The following REXO4 variants were observed in gnomAD, a reference collection of about 807,000 sequenced individuals.
The protein encoded by REXO4 is RNA exonuclease 4, also known as REX4 homolog, 3'-5' exonuclease.
A neutral mutation model predicts 39.9 loss-of-function variants in REXO4; 29 were observed. That is an observed-to-expected ratio of 0.73 (90% CI 0.54 to 0.99). The LOEUF (loss-of-function observed/expected upper bound fraction) is 0.99, where lower values mean the gene tolerates loss of function less well. REXO4 is among the 50% of genes least tolerant of loss of function. The probability of loss-of-function intolerance (pLI) is 0.00; values close to 1 mark genes in which losing one functional copy is unlikely to be tolerated. For synonymous variants in REXO4, 184 were observed against 206.2 expected (o/e 0.89, Z 0.92); for missense variants, 524 against 546.5 (o/e 0.96, Z 0.41).
rs1838927771 is a variant in REXO4 at position 133,407,145 on chromosome 9, G to A, written c.1150-73C>T. On this transcript the variant is annotated intron_variant, in intron 7 of 7. Coordinates refer to ENST00000371942, the MANE Select transcript of REXO4 (RefSeq NM_020385.4). ...CCACAGTCAACCCCACAATGACTGA[G>A]CCCTCCCACTAGCCACTCTGCTACA... 4 of 1,597,334 alleles carry A rather than the reference G, an allele frequency of 2.5e-6. No individual in the cohort carries two copies. In the East Asian group the frequency reaches 8.9e-5, roughly 36 times the overall value.
At position 133,411,011 on chromosome 9, in the gene REXO4, C is replaced by T; in HGVS notation, c.973G>A (p.Gly325Arg). 1 of 1,614,070 alleles carries T rather than the reference C, an allele frequency of 6.2e-7. No homozygotes were observed. The highest frequency in any genetic ancestry group is 1.6e-4 in the Middle Eastern group (1 of 6,062). Reference sequence around the variant, plus strand: ...TTTAGGTCATTATGCAGAGCGTGCCCCACTAGAATTCTGCCCTTCAGCATC... The same window carrying T: ...TTTAGGTCATTATGCAGAGCGTGCCTCACTAGAATTCTGCCCTTCAGCATC... ...AEMLKGRILV[G>R]HALHNDLKVL... The change falls in exon 5 of 8, where the codon GGG becomes AGG. Residue 325 changes from glycine (G) to arginine (R), a missense_variant. By Grantham distance (125) the Gly-to-Arg change is moderately radical (BLOSUM62 -2). Coordinates refer to ENST00000371942, the MANE Select transcript of REXO4 (RefSeq NM_020385.4).
In REXO4 at chr9:133,412,362, T is replaced by C. The variant is rs2285487; in HGVS notation, c.847A>G (p.Thr283Ala). The change falls in exon 4 of 8, where the codon ACC becomes GCC. Residue 283 changes from threonine to alanine, a missense_variant. By Grantham distance (58) the Thr-to-Ala change is moderately conservative. Coordinates refer to ENST00000371942, the MANE Select transcript of REXO4 (RefSeq NM_020385.4). ...KCVYDKYVKP[T>A]EPVTDYRTAV... ...GTCCTATAGTCCGTCACGGGCTCGG[T>C]TGGTTTGACGTACTTGTCATAAACG... is the stretch of plus-strand genomic sequence containing the variant. 118,955 of 1,613,954 alleles carry C rather than the reference T, an allele frequency of 0.074. 4,957 individuals carry two copies. The highest frequency in any genetic ancestry group is 0.086 in the Non-Finnish European group (101,463 of 1,179,958).
rs782490964 is a variant in REXO4 at position 133,417,755 on chromosome 9, T to C, written c.90A>G (p.Lys30=). 1.3e-5 allele frequency: 21 copies of C among 1,613,252 alleles called. No individual in the cohort carries two copies. Among genetic ancestry groups the C allele is most frequent in the Non-Finnish European group, 1.6e-5 (19 of 1,179,956 alleles). ...TCCAAAACCTTTTTTTCTTCTTGTT[T>C]TTCTTCCGAGTGAGCGTCTTGACAG... ...PGPVKTLTRK[K]NKKKKRFWKS... Residue 30 remains lysine, a synonymous_variant, in exon 1 of 8, where the codon AAA becomes AAG. Coordinates refer to ENST00000371942, the MANE Select transcript of REXO4 (RefSeq NM_020385.4).
At chr9:133,411,341 G>A (rs1386076548) in intron 4 of REXO4, among the ~76,000 whole-genome samples, 1 of 152,240 alleles carries the variant, frequency 6.6e-6, no homozygotes. Flanking sequence ...GCTCATGGCT[G>A]GAGGAGAGCA....
In REXO4 at chr9:133,414,743, C is replaced by T. The variant is rs1839462372; in HGVS notation, c.494G>A (p.Gly165Asp). 1.2e-6 allele frequency: 2 copies of T among 1,614,166 alleles called. No individual in the cohort carries two copies. Among genetic ancestry groups the T allele is most frequent in the Non-Finnish European group, 1.7e-6 (2 of 1,180,040 alleles). Reference sequence around the variant, plus strand: ...GTCCCCTCGTTCTGGAACAATATCACCATTTGTCCTTTCCTTGGTTCCTTT... The same window carrying T: ...GTCCCCTCGTTCTGGAACAATATCATCATTTGTCCTTTCCTTGGTTCCTTT... Reference protein sequence around the residue: ...NKKGTKERTNGDIVPERGDIE... With the variant: ...NKKGTKERTNDDIVPERGDIE... Residue 165 changes from glycine to aspartate, a missense_variant, in exon 2 of 8, where the codon GGT becomes GAT. Transcript: ENST00000371942.
rs1554779499 is a variant in REXO4 at position 133,408,833 on chromosome 9, G to C, written c.1009C>G (p.Leu337Val). The change falls in exon 6 of 8, where the codon CTT (leucine) becomes GTT (valine). Residue 337 changes from leucine to valine, a missense_variant. By Grantham distance (32) the Leu-to-Val change is conservative. Coordinates refer to ENST00000371942, the MANE Select transcript of REXO4 (RefSeq NM_020385.4). ...CGAATCTTCTTTTTTGGATGATCAA[G>C]AAATAGTACCTAGAAAAATAAAATA... ...ALHNDLKVLF[L>V]DHPKKKIRDT... 1 of 1,583,086 alleles carries C rather than the reference G, an allele frequency of 6.3e-7. No homozygotes were observed. The highest frequency in any genetic ancestry group is 8.7e-7 in the Non-Finnish European group (1 of 1,155,138).
Position 133,406,765 on chromosome 9 carries a change from G to T in REXO4, c.*188C>A. ...ATCCGGGCCCAAACACACATGGACA[G>T]TAAGACCAGGTTTCAGACCACAAAG... is the stretch of plus-strand genomic sequence containing the variant. On this transcript the variant is annotated 3_prime_UTR_variant, in exon 8 of 8. Coordinates refer to ENST00000371942, the MANE Select transcript of REXO4 (RefSeq NM_020385.4). The T allele has an allele frequency of 1.2e-6, 1 of 846,646 alleles. No homozygotes were observed. Among genetic ancestry groups the T allele is most frequent in the Non-Finnish European group, 1.8e-6 (1 of 554,470 alleles). 52.4% of individuals were successfully genotyped at this position (846,646 alleles called of 1,614,324 possible). A position where few individuals can be genotyped will look rare whatever the true frequency, so the allele number is the denominator to read the frequency against.
rs781812502 is a variant in REXO4 at position 133,414,694 on chromosome 9, A to T, written c.543T>A (p.Ala181=). The T allele has an allele frequency of 6.2e-7, 1 of 1,613,880 alleles. No individual in the cohort carries two copies. The highest frequency in any genetic ancestry group is 1.3e-5 in the African/African-American group (1 of 74,874). ...TGGGTGGGGCTGGGGCTGCCTCCTT[A>T]GCTTTCCGCTTCTTATGCTCGATGT... ...RGDIEHKKRK[A]KEAAPAPPTE... Residue 181 remains alanine, a synonymous_variant, in exon 2 of 8, where the codon GCT becomes GCA. Coordinates refer to ENST00000371942, the MANE Select transcript of REXO4 (RefSeq NM_020385.4).
chr9:133,408,680 C>T, intron 6 of REXO4, 88 bp downstream of exon 6: 1 of 889,076 alleles, frequency 1.1e-6, no homozygotes, highest in Non-Finnish European at 1.8e-6. Context: ...AACCCTTTAA[C>T]CAACAAGTCA....
At chr9:133,408,985 T>TGTGTGTGTGTGA (rs1347123389) in intron 5 of REXO4, 143 bp from the exon 6 acceptor site, 15 of 459,624 alleles carry the variant, frequency 3.3e-5, no homozygotes, top group African/African-American at 1.3e-4. Context: ...TGTGTGTGTG[T>TGTGTGTGTGTGA]GACGGAGTCT....
Position 133,417,801 on chromosome 9 carries a change from C to G in REXO4, c.44G>C (p.Ser15Thr). ...GACAGGACCCGGCTTAGCCACGGGG[C>G]TGCTCGGGGCGCGCTTGGAGGCGGG... ...KVPASKRAPS[S>T]PVAKPGPVKT... Residue 15 changes from serine to threonine, a missense_variant, in exon 1 of 8, where the codon AGC becomes ACC. By Grantham distance (58) the Ser-to-Thr change is moderately conservative. Coordinates refer to ENST00000371942, the MANE Select transcript of REXO4 (RefSeq NM_020385.4). 1 of 1,607,450 alleles carries G rather than the reference C, an allele frequency of 6.2e-7. No homozygotes were observed. Among genetic ancestry groups the G allele is most frequent in the Non-Finnish European group, 8.5e-7 (1 of 1,179,834 alleles).
intron 1 of REXO4, among the ~76,000 whole-genome samples, chr9:133,416,320 A>G (rs1839598225): frequency 6.6e-6 from 1 of 152,190 alleles, no homozygotes. Flanking sequence ...CCATGACCCA[A>G]TACCTCCTAT....
chr9:133,407,718 T>C (rs1052532942), intron 7 of REXO4, 89 bp downstream of exon 7: 168 of 973,190 alleles, frequency 1.7e-4, no homozygotes, highest in Non-Finnish European at 2.4e-4. Flanking sequence ...AAGCCCCACC[T>C]CCCCCATGTC....
Position 133,414,524 on chromosome 9 carries a change from A to G in REXO4, c.572+141T>C, listed in dbSNP as rs782584857. The G allele has an allele frequency of 1.7e-5, 14 of 800,992 alleles. No individual in the cohort carries two copies. The Admixed American group carries it at 2.7e-4, about 15-fold the overall frequency. The allele number at this position is 800,992 out of a possible 1,614,324, so 49.6% of individuals were successfully genotyped here. On this transcript the variant is annotated intron_variant, in intron 2 of 7. Transcript: ENST00000371942. ...CGCACACTCTAGGGGAAAACAAGTA[A>G]CAGCGAGTAAACAAAGGAACAGACG...
At chr9:133,415,039 C>A (rs186132720) in intron 1 of REXO4, 28 bp from the exon 2 acceptor site, 1 of 1,549,850 alleles carries the variant, frequency 6.5e-7, no homozygotes, top group African/African-American at 1.4e-5. Context: ...ATACATGCTG[C>A]ATTTGAATTT....
chr9:133,410,827 A>C (rs1415274141), intron 5 of REXO4, among the ~76,000 whole-genome samples, 158 bp downstream of exon 5: 2 of 152,188 alleles, frequency 1.3e-5, no homozygotes, highest in African/African-American at 2.4e-5. Flanking sequence ...CCTAAAACAC[A>C]GTAAGAACTC....
In REXO4 at chr9:133,406,746, G is replaced by T; in HGVS notation, c.*207C>A. 2.8e-6 allele frequency: 2 copies of T among 716,292 alleles called. No homozygotes were observed. Among genetic ancestry groups the T allele is most frequent in the Non-Finnish European group, 4.5e-6 (2 of 446,744 alleles). The allele number at this position is 716,292 out of a possible 1,614,324, so 44.4% of individuals were successfully genotyped here. On this transcript the variant is annotated 3_prime_UTR_variant, in exon 8 of 8. Transcript: ENST00000371942. Reference sequence around the variant, plus strand: ...CCTGCTCCCCACCCTGACCATCCGGGCCCAAACACACATGGACAGTAAGAC... The same window carrying T: ...CCTGCTCCCCACCCTGACCATCCGGTCCCAAACACACATGGACAGTAAGAC...
chr9:133,414,299 T>C (rs781831612), intron 2 of REXO4: 23 of 448,822 alleles, frequency 5.1e-5, no homozygotes, highest in South Asian at 3.1e-4. Context: ...AATCTCCTTA[T>C]GATGCCACCA....
Position 133,412,510 on chromosome 9 carries a change from G to C in REXO4, c.717-18C>G, listed in dbSNP as rs587731610. ...TTGTCAGGCTGAAGGGTAACCAAAG[G>C]CTGTAGTTTAATAAACACGGCAGGC... On this transcript the variant is annotated intron_variant, in intron 3 of 7. Coordinates refer to ENST00000371942, the MANE Select transcript of REXO4 (RefSeq NM_020385.4). 1 of 1,612,802 alleles carries C rather than the reference G, an allele frequency of 6.2e-7. No homozygotes were observed. Among genetic ancestry groups the C allele is most frequent in the Non-Finnish European group, 8.5e-7 (1 of 1,179,280 alleles).
Sources: gnomAD v4.1 joint callset for allele counts (sites outside exome capture counted in the v4.1 genomes callset) on GRCh38, gnomAD v4.1.1 for gene constraint, MANE v1.5 for transcripts, NCBI Gene and HGNC (gene_info 2026-07-23, HGNC 2026-07-21) for gene names.